P4HA2: variants seen among roughly 807,000 people sequenced by gnomAD.
The protein encoded by P4HA2 is prolyl 4-hydroxylase subunit alpha-2.
In P4HA2, 46 loss-of-function variants were observed where a neutral mutation model predicts 76.9. The observed-to-expected ratio is 0.60, with a 90% CI of 0.47 to 0.76. The LOEUF is 0.76. P4HA2 is among the 30% of genes least tolerant of loss of function. The pLI is 0.00. For missense variants in P4HA2, 583 were observed against 669.4 expected (o/e 0.87, Z 1.42); for synonymous variants, 243 against 254.0 (o/e 0.96, Z 0.41).
rs201708083 is a variant in P4HA2, at chr5:132,192,764, G to A, written c.*246C>T. On this transcript the variant is annotated 3_prime_UTR_variant, in exon 15 of 15. Coordinates refer to ENST00000360568, the MANE Select transcript of P4HA2 (RefSeq NM_001017974.2). ...GAGGTACAAAGGCACCTTGCTAGGC[G>A]CTAGACAGCTAACTCTGCTGCAGCC... 8.4e-5 allele frequency: 41 copies of A among 486,994 alleles called. 1 individual carries two copies. In the Admixed American group the frequency reaches 1.3e-3, roughly 16 times the overall value. 30.2% of individuals were successfully genotyped at this position (486,994 alleles called of 1,614,324 possible). A position where few individuals can be genotyped will look rare whatever the true frequency, so the allele number is the denominator to read the frequency against.
At chr5:132,219,534 G>C (rs1443273409) in intron 1 of P4HA2, among the ~76,000 whole-genome samples, 3 of 152,108 alleles carry the variant, frequency 2.0e-5, no homozygotes, top group African/African-American at 4.8e-5. Context: ...CACAACAGAA[G>C]CCTCCGATAC....
In P4HA2 at chr5:132,207,811, G is replaced by T; in HGVS notation, c.977C>A (p.Pro326His). The change falls in exon 8 of 15, where the codon CCC becomes CAC. Residue 326 changes from proline to histidine, a missense_variant. Physicochemically the swap from Pro to His is moderately conservative, Grantham distance 77. Coordinates refer to ENST00000360568, the MANE Select transcript of P4HA2 (RefSeq NM_001017974.2). The stretch of plus-strand genomic sequence containing the variant: ...GTCCCACTCGTCCTCCTCTTTGAAG[G>T]GGGCAATGAGCAGCTGTGGGGCCCT... ...GNRAPQLLIA[P>H]FKEEDEWDSP... is the part of the protein sequence containing the mutation. 1 of 1,612,286 alleles carries T rather than the reference G, an allele frequency of 6.2e-7. No individual in the cohort carries two copies. Among genetic ancestry groups the T allele is most frequent in the South Asian group, 1.1e-5 (1 of 90,776 alleles).
At chr5:132,221,081 C>T (rs543160980) in intron 1 of P4HA2, among the ~76,000 whole-genome samples, 6 of 152,298 alleles carry the variant, frequency 3.9e-5, no homozygotes, top group Non-Finnish European at 5.9e-5. Context: ...AGGCAGCATC[C>T]GAGAGGGACT....
intron 5 of P4HA2, 93 bp from the exon 6 acceptor site, chr5:132,210,616 G>A (rs964343950): frequency 3.9e-6 from 5 of 1,271,764 alleles, no homozygotes; most frequent in Non-Finnish European, 5.7e-6. Context: ...CCACTGGATA[G>A]GGGGCATCAC....
intron 10 of P4HA2, chr5:132,202,166 C>T (rs906231019): frequency 2.6e-5 from 4 of 152,034 alleles, no homozygotes; most frequent in African/African-American, 7.3e-5. Flanking sequence ...ATGTGCTTAT[C>T]TGCAGAATTT....
chr5:132,218,412 T>C, intron 2 of P4HA2, 133 bp downstream of exon 2: 1 of 584,656 alleles, frequency 1.7e-6, no homozygotes, highest in Admixed American at 3.1e-5. Context: ...CTCTGCCAGT[T>C]CCACTCTCCT....
At chr5:132,197,433 C>A (rs1428159650) in intron 12 of P4HA2, among the ~76,000 whole-genome samples, 3 of 151,982 alleles carry the variant, frequency 2.0e-5, no homozygotes, top group East Asian at 3.9e-4. Flanking sequence ...CATGGTGAAA[C>A]CCTATCTCTA....
intron 1 of P4HA2, among the ~76,000 whole-genome samples, chr5:132,225,159 G>A (rs1197134456): frequency 1.3e-5 from 2 of 151,864 alleles, no homozygotes; most frequent in Non-Finnish European, 2.9e-5. Flanking sequence ...ACAGGCTGAT[G>A]TCTTACCCTA....
At position 132,190,175 on chromosome 5, in the gene P4HA2, AATTG is replaced by A. The variant is rs1749782162; in HGVS notation, c.*2831_*2834del. Among the ~76,000 whole-genome samples, 1 of 152,346 alleles carries A rather than the reference AATTG, an allele frequency of 6.6e-6. No individual in the cohort carries two copies. Among genetic ancestry groups the A allele is most frequent in the East Asian group, 1.9e-4 (1 of 5,190 alleles). The stretch of plus-strand genomic sequence containing the variant: ...AAGAAAAAATCATTTAATTTTCCAC[AATTG>A]ATTAAGGATACCATTGTACAAATTC... On this transcript the variant is annotated 3_prime_UTR_variant, in exon 15 of 15. Coordinates refer to ENST00000360568, the MANE Select transcript of P4HA2 (RefSeq NM_001017974.2).
intron 4 of P4HA2, among the ~76,000 whole-genome samples, chr5:132,214,592 C>A (rs1753591693): frequency 6.6e-6 from 1 of 152,132 alleles, no homozygotes; most frequent in African/African-American, 2.4e-5. Context: ...TCATTACTGA[C>A]CACTGGCACT....
At chr5:132,207,431 G>A (rs1272271420) in intron 8 of P4HA2, among the ~76,000 whole-genome samples, 1 of 152,132 alleles carries the variant, frequency 6.6e-6, no homozygotes, top group African/African-American at 2.4e-5. Context: ...TCCCAACCAG[G>A]TGAACTGACA....
At chr5:132,226,347 G>A (rs1755396322) in intron 1 of P4HA2, among the ~76,000 whole-genome samples, 1 of 152,182 alleles carries the variant, frequency 6.6e-6, no homozygotes. Context: ...CTACAAGAGG[G>A]CTGGGGCTGT....
chr5:132,223,157 G>GC (rs1270650354), intron 1 of P4HA2, among the ~76,000 whole-genome samples: 2 of 152,214 alleles, frequency 1.3e-5, no homozygotes, highest in Non-Finnish European at 2.9e-5. Context: ...TACCAGACTG[G>GC]CCTCCCCAGT....
chr5:132,193,172 C>G (rs1429529866), intron 14 of P4HA2, 92 bp from the exon 15 acceptor site: 1 of 825,672 alleles, frequency 1.2e-6, no homozygotes, highest in East Asian at 2.5e-5. Context: ...TGCACTGTGC[C>G]CTGGAATCAG....
chr5:132,197,769 T>C (rs1580651235), intron 12 of P4HA2, among the ~76,000 whole-genome samples: 1 of 152,248 alleles, frequency 6.6e-6, no homozygotes, highest in East Asian at 1.9e-4. Flanking sequence ...GAAAGCAGAA[T>C]GGTGGCTGCC....
chr5:132,213,719 T>C (rs1279284864), intron 5 of P4HA2, among the ~76,000 whole-genome samples, 197 bp downstream of exon 5: 1 of 152,076 alleles, frequency 6.6e-6, no homozygotes, highest in Non-Finnish European at 1.5e-5. Flanking sequence ...CCTTGGCTAA[T>C]ACATGGAGGG....
At chr5:132,221,391 C>A (rs965833768) in intron 1 of P4HA2, among the ~76,000 whole-genome samples, 9 of 152,118 alleles carry the variant, frequency 5.9e-5, no homozygotes, top group Non-Finnish European at 1.0e-4. Context: ...ACCAGGAACA[C>A]AACAAAAAAT....
chr5:132,219,378 A>C (rs1337439675), intron 1 of P4HA2, among the ~76,000 whole-genome samples: 1 of 152,174 alleles, frequency 6.6e-6, no homozygotes. Flanking sequence ...TGATCTAGGC[A>C]CTCAGGATAC....
chr5:132,222,602 C>G (rs1285276206), intron 1 of P4HA2, among the ~76,000 whole-genome samples: 3 of 152,256 alleles, frequency 2.0e-5, no homozygotes, highest in Non-Finnish European at 4.4e-5. Flanking sequence ...CCCAAAGGGT[C>G]CTTTTGAGTG....
Sources: gnomAD v4.1 joint callset for allele counts (sites outside exome capture counted in the v4.1 genomes callset) on GRCh38, gnomAD v4.1.1 for gene constraint, MANE v1.5 for transcripts, NCBI Gene and HGNC (gene_info 2026-07-23, HGNC 2026-07-21) for gene names.